The following ANO6 variants were observed in gnomAD, a reference collection of about 807,000 sequenced individuals.
ANO6 encodes anoctamin 6, also known as anoctamin-6.
Under a neutral mutation model 117.5 loss-of-function variants are expected in ANO6, and 106 were observed. The observed-to-expected ratio is 0.90, with a 90% CI of 0.77 to 1.06. The LOEUF is 1.06. Among genes scored for constraint, ANO6 ranks in the 50% least tolerant of loss-of-function variants. The pLI is 0.00. For synonymous variants in ANO6, 367 were observed against 385.1 expected (o/e 0.95, Z 0.55); for missense variants, 955 against 1,121.1 (o/e 0.85, Z 2.12).
chr12:45,228,253 C>T, intron 1 of ANO6: 1 of 421,274 alleles, frequency 2.4e-6, no homozygotes. Context: ...ACCTCAACCT[C>T]CTGCGTATCT....
intron 1 of ANO6, among the ~76,000 whole-genome samples, chr12:45,241,662 C>T (rs1163996981): frequency 6.6e-6 from 1 of 152,216 alleles, no homozygotes; most frequent in East Asian, 1.9e-4. Flanking sequence ...AGCTTTTCTG[C>T]TCTGGTTTCT....
intron 3 of ANO6, among the ~76,000 whole-genome samples, chr12:45,346,423 C>G (rs1941133853): frequency 6.6e-6 from 1 of 152,190 alleles, no homozygotes; most frequent in African/African-American, 2.4e-5. Flanking sequence ...ATATAGATAT[C>G]AATTTAGTTC....
chr12:45,305,790 A>C (rs985117360), intron 2 of ANO6, among the ~76,000 whole-genome samples: 5 of 152,134 alleles, frequency 3.3e-5, no homozygotes, highest in African/African-American at 4.8e-5. Context: ...TGCATGCAGG[A>C]TATCCCACAC....
intron 12 of ANO6, among the ~76,000 whole-genome samples, chr12:45,399,521 A>G (rs1942728053): frequency 6.6e-6 from 1 of 151,430 alleles, no homozygotes; most frequent in Non-Finnish European, 1.5e-5. Context: ...GGCTTTCTCT[A>G]TTGATGGGTG....
intron 9 of ANO6, 103 bp from the exon 10 acceptor site, chr12:45,377,950 T>C (rs1942072649): frequency 8.9e-7 from 1 of 1,122,462 alleles, no homozygotes; most frequent in Non-Finnish European, 1.4e-6. Context: ...GCATCACCTT[T>C]GAAAAGAACT....
intron 1 of ANO6, among the ~76,000 whole-genome samples, chr12:45,230,674 A>G (rs1947560775): frequency 6.6e-6 from 1 of 152,048 alleles, no homozygotes; most frequent in Non-Finnish European, 1.5e-5. Flanking sequence ...TGACATTTTG[A>G]TAGTCTTTCT....
chr12:45,293,171 G>A (rs1020447523), intron 1 of ANO6, among the ~76,000 whole-genome samples: 14 of 152,194 alleles, frequency 9.2e-5, no homozygotes, highest in Non-Finnish European at 1.9e-4. Flanking sequence ...GAATTGAAGA[G>A]CACTAGTAAC....
rs747612657 is a variant in ANO6 at position 45,416,796 on chromosome 12, A to T, written c.2109A>T (p.Ala703=). The T allele has an allele frequency of 6.2e-7, 1 of 1,614,046 alleles. No homozygotes were observed. The highest frequency in any genetic ancestry group is 1.3e-5 in the African/African-American group (1 of 74,922). ...VNNILEIRVD[A]WKLTTQFRRL... is the part of the protein sequence containing the mutation. ...ATATATTGGAAATAAGAGTGGACGC[A>T]TGGAAACTGACCACCCAGTTTAGAC... The change falls in exon 17 of 20, where the codon GCA becomes GCT. Residue 703 remains alanine, a synonymous_variant. Transcript: ENST00000320560.
chr12:45,307,114 C>CTG (rs2137320920), intron 2 of ANO6, among the ~76,000 whole-genome samples: 1 of 152,176 alleles, frequency 6.6e-6, no homozygotes, highest in African/African-American at 2.4e-5. Flanking sequence ...TGGTTTTACT[C>CTG]TGAGTTGGGA....
rs148136571 is a variant in ANO6 at position 45,264,061 on chromosome 12, A to C, written c.71-37953A>C. Among the ~76,000 whole-genome samples the C allele has an allele frequency of 7.2e-5, 11 of 152,330 alleles. No individual in the cohort carries two copies. In the East Asian group the frequency reaches 2.1e-3, roughly 29 times the overall value. On this transcript the variant is annotated intron_variant, in intron 1 of 19. Coordinates refer to ENST00000320560, the MANE Select transcript of ANO6 (RefSeq NM_001025356.3). Reference sequence around the variant, plus strand: ...CTAAGACTTAGAAAAGTTAAGGAACATTCGGAAGGAAACCGAGGAAACCAG... The same window carrying C: ...CTAAGACTTAGAAAAGTTAAGGAACCTTCGGAAGGAAACCGAGGAAACCAG...
chr12:45,376,890 AAG>A (rs1357167849), intron 9 of ANO6, among the ~76,000 whole-genome samples: 5 of 111,410 alleles, frequency 4.5e-5, no homozygotes, highest in African/African-American at 2.1e-4. Flanking sequence ...AAAAAAAAAG[AAG>A]AAGAATGATT....
intron 12 of ANO6, among the ~76,000 whole-genome samples, chr12:45,391,501 C>T (rs1462653613): frequency 6.6e-6 from 1 of 152,050 alleles, no homozygotes; most frequent in Non-Finnish European, 1.5e-5. Flanking sequence ...TACTTGTTAG[C>T]TATTTGGGGG....
chr12:45,294,883 A>G (rs1485670603), intron 1 of ANO6, among the ~76,000 whole-genome samples: 1 of 152,274 alleles, frequency 6.6e-6, no homozygotes, highest in Non-Finnish European at 1.5e-5. Context: ...CTAATGAGGC[A>G]AAGGATGATA....
intron 12 of ANO6, among the ~76,000 whole-genome samples, chr12:45,392,718 C>T (rs1212467435): frequency 2.6e-5 from 4 of 152,184 alleles, no homozygotes; most frequent in Admixed American, 6.5e-5. Context: ...CAAACAGGGT[C>T]TGGAGTGGAA....
intron 1 of ANO6, among the ~76,000 whole-genome samples, chr12:45,296,249 A>G (rs1000327729): frequency 1.3e-5 from 2 of 152,188 alleles, no homozygotes; most frequent in African/African-American, 4.8e-5. Context: ...ATCGTGCCCA[A>G]TCTGGATATG....
intron 1 of ANO6, among the ~76,000 whole-genome samples, chr12:45,276,200 T>C (rs1938549149): frequency 6.6e-6 from 1 of 152,200 alleles, no homozygotes; most frequent in South Asian, 2.1e-4. Context: ...ACTTCTACCT[T>C]CAAAATGATT....
chr12:45,419,954 C>T (rs1456065041), intron 17 of ANO6, among the ~76,000 whole-genome samples: 2 of 151,438 alleles, frequency 1.3e-5, no homozygotes, highest in Non-Finnish European at 2.9e-5. Flanking sequence ...ATTTTCATAA[C>T]TTCATCCACT....
intron 1 of ANO6, among the ~76,000 whole-genome samples, chr12:45,248,521 CT>C (rs1468172053): frequency 6.7e-6 from 1 of 149,940 alleles, no homozygotes; most frequent in Non-Finnish European, 1.5e-5. Flanking sequence ...GCAACCTCCG[CT>C]TCCCAGGTTC....
At chr12:45,294,926 A>G (rs1939236451) in intron 1 of ANO6, among the ~76,000 whole-genome samples, 1 of 152,234 alleles carries the variant, frequency 6.6e-6, no homozygotes, top group South Asian at 2.1e-4. Flanking sequence ...AAAAATTATG[A>G]TAGCCAATAT....
Sources: gnomAD v4.1 joint callset for allele counts (sites outside exome capture counted in the v4.1 genomes callset) on GRCh38, gnomAD v4.1.1 for gene constraint, MANE v1.5 for transcripts, NCBI Gene and HGNC (gene_info 2026-07-23, HGNC 2026-07-21) for gene names.